UGT2A2: variants seen among roughly 807,000 people sequenced by gnomAD.
UGT2A2 encodes UDP-glucuronosyltransferase 2A2.
A neutral mutation model predicts 50.7 loss-of-function variants in UGT2A2; 60 were observed. That is an observed-to-expected ratio of 1.18 (90% CI 0.96 to 1.47). The LOEUF is 1.47. Among genes scored for constraint, UGT2A2 ranks in the 40% most tolerant of loss-of-function variants. The pLI, the probability that UGT2A2 is intolerant of heterozygous loss-of-function variation, is 0.00. For missense variants in UGT2A2, 762 were observed against 634.0 expected, an observed-to-expected ratio of 1.20 and a Z score of -2.17; for synonymous variants, 242 against 214.6, an observed-to-expected ratio of 1.13 and a Z score of -1.11.
chr4:69,625,306 G>T (rs537274012), intron 1 of UGT2A2, among the ~76,000 whole-genome samples: 93 of 150,532 alleles, frequency 6.2e-4, no homozygotes, highest in Non-Finnish European at 1.1e-3. Flanking sequence ...TGAACTTCTT[G>T]GATCTATTTG....
chr4:69,594,328 G>A, intron 5 of UGT2A2, 149 bp downstream of exon 5: 1 of 1,099,790 alleles, frequency 9.1e-7, no homozygotes, highest in Non-Finnish European at 1.3e-6. Flanking sequence ...AATCACTTTA[G>A]CAGTTTGGCA....
chr4:69,594,430 A>G, intron 5 of UGT2A2, 47 bp downstream of exon 5: 2 of 1,598,262 alleles, frequency 1.3e-6, no homozygotes, highest in Non-Finnish European at 1.7e-6. Context: ...GGTATTATGA[A>G]TAATGTAATT....
chr4:69,596,976 C>G (rs1481332147), intron 2 of UGT2A2, among the ~76,000 whole-genome samples: 1 of 152,164 alleles, frequency 6.6e-6, no homozygotes, highest in Non-Finnish European at 1.5e-5. Flanking sequence ...TTGTTACCCC[C>G]AAGGCTTAAT....
chr4:69,639,531 G>T lies in UGT2A2; in HGVS notation c.110C>A (p.Thr37Lys). 1 of 1,613,172 alleles carries T rather than the reference G, an allele frequency of 6.2e-7. No homozygotes were observed. Among genetic ancestry groups the T allele is most frequent in the Non-Finnish European group, 8.5e-7 (1 of 1,179,522 alleles). ...VLSGNVLIWP[T>K]DGSHWLNIKI... ...AATATTTAACCAATGGCTACCATCTGTAGGCCAAATTAACACATTCCCACT... is the reference window on the plus strand; with the variant it reads ...AATATTTAACCAATGGCTACCATCTTTAGGCCAAATTAACACATTCCCACT... Residue 37 changes from threonine (T) to lysine (K), a missense_variant, in exon 1 of 6, where the codon ACA (threonine) becomes AAA (lysine). Physicochemically the swap from Thr to Lys is moderately conservative, Grantham distance 78. Transcript: ENST00000604629.
At chr4:69,614,920 G>A (rs1181808051) in intron 1 of UGT2A2, among the ~76,000 whole-genome samples, 2 of 152,168 alleles carry the variant, frequency 1.3e-5, no homozygotes, top group Admixed American at 6.6e-5. Flanking sequence ...ACTTACAATT[G>A]TGGTGGAAGG....
Position 69,589,151 on chromosome 4 carries a change from G to C in UGT2A2, c.*221C>G. Reference sequence around the variant, plus strand: ...AGGAAGAGGGTATAGTCAGCAGGGAGAGACAAAGGAAAAATAGAAGACTAT... The same window carrying C: ...AGGAAGAGGGTATAGTCAGCAGGGACAGACAAAGGAAAAATAGAAGACTAT... On this transcript the variant is annotated 3_prime_UTR_variant, in exon 6 of 6. Coordinates refer to ENST00000604629, the MANE Select transcript of UGT2A2 (RefSeq NM_001105677.2). 1 of 464,744 alleles carries C rather than the reference G, an allele frequency of 2.2e-6. No individual in the cohort carries two copies. The highest frequency in any genetic ancestry group is 3.4e-6 in the Non-Finnish European group (1 of 290,202). The allele number at this position is 464,744 out of a possible 1,614,324, so 28.8% of individuals were successfully genotyped here.
chr4:69,614,323 G>C (rs947455870), intron 1 of UGT2A2, among the ~76,000 whole-genome samples: 1 of 151,890 alleles, frequency 6.6e-6, no homozygotes, highest in Admixed American at 6.6e-5. Context: ...GATTGAACAG[G>C]ACAGAAAAAA....
chr4:69,590,453 G>A (rs572969603), intron 5 of UGT2A2, among the ~76,000 whole-genome samples: 1 of 152,214 alleles, frequency 6.6e-6, no homozygotes, highest in South Asian at 2.1e-4. Context: ...GTTTCATTTT[G>A]GTTTGTGTCT....
At chr4:69,605,612 T>TA (rs1445425827) in intron 1 of UGT2A2, among the ~76,000 whole-genome samples, 6 of 135,780 alleles carry the variant, frequency 4.4e-5, no homozygotes, top group East Asian at 2.1e-4. Flanking sequence ...AAAAACCCTT[T>TA]AAAAAATCAA....
chr4:69,617,899 C>T (rs1019786206), intron 1 of UGT2A2, among the ~76,000 whole-genome samples: 6 of 151,588 alleles, frequency 4.0e-5, no homozygotes, highest in Admixed American at 2.0e-4. Context: ...GAAACAAAAC[C>T]GACACAGTAA....
intron 1 of UGT2A2, among the ~76,000 whole-genome samples, chr4:69,637,323 C>T (rs1721766509): frequency 1.3e-5 from 2 of 151,820 alleles, no homozygotes; most frequent in South Asian, 4.2e-4. Context: ...TAGACAAATT[C>T]TAAGAAAAAG....
intron 1 of UGT2A2, among the ~76,000 whole-genome samples, chr4:69,627,128 GAC>G (rs746936943): frequency 6.6e-6 from 1 of 151,718 alleles, no homozygotes; most frequent in Non-Finnish European, 1.5e-5. Flanking sequence ...TGCACATACT[GAC>G]ACACACATAA....
intron 1 of UGT2A2, among the ~76,000 whole-genome samples, chr4:69,624,776 A>G (rs965565712): frequency 1.3e-5 from 2 of 151,428 alleles, no homozygotes; most frequent in Non-Finnish European, 3.0e-5. Context: ...ACTTCACAAT[A>G]CAATAAATAT....
rs1329214069 is a variant in UGT2A2 at position 69,639,048 on chromosome 4, G to A, written c.593C>T (p.Pro198Leu). The part of the protein sequence containing the change: ...VERHCGKIPA[P>L]VSYVPAALSE... ...TAAGGCTGCCGGTACATAGGAGACT[G>A]GTGCTGGGATTTTCCCACAGTGTCT... The change falls in exon 1 of 6, where the codon CCA (proline) becomes CTA (leucine). Residue 198 changes from proline (P) to leucine (L), a missense_variant. By Grantham distance (98) the Pro-to-Leu change is moderately conservative. Coordinates refer to ENST00000604629, the MANE Select transcript of UGT2A2 (RefSeq NM_001105677.2). 3 of 1,613,250 alleles carry A rather than the reference G, an allele frequency of 1.9e-6. No individual in the cohort carries two copies. Among genetic ancestry groups the A allele is most frequent in the Admixed American group, 1.7e-5 (1 of 59,894 alleles).
At position 69,596,244 on chromosome 4, in the gene UGT2A2, A is replaced by G; in HGVS notation, c.1023+6T>C. 6.4e-7 allele frequency: 1 copy of G among 1,568,474 alleles called. No individual in the cohort carries two copies. Among genetic ancestry groups the G allele is most frequent in the South Asian group, 1.2e-5 (1 of 83,072 alleles). Reference sequence around the variant, plus strand: ...GCTGTGTACCAGGATTCCAGGCTGTACTGACCTTCTGTGGAATCTGGGCAA... The same window carrying G: ...GCTGTGTACCAGGATTCCAGGCTGTGCTGACCTTCTGTGGAATCTGGGCAA... On this transcript the variant is annotated splice_donor_region_variant and intron_variant, in intron 3 of 5. Coordinates refer to ENST00000604629, the MANE Select transcript of UGT2A2 (RefSeq NM_001105677.2).
At position 69,639,107 on chromosome 4, in the gene UGT2A2, G is replaced by A. The variant is rs990682058; in HGVS notation, c.534C>T (p.Tyr178=). The part of the protein sequence containing the change: ...VALKLGIPFM[Y]TLRFSPASTV... The stretch of plus-strand genomic sequence containing the variant: ...TTGATGCTGGAGAGAACCTCAATGT[G>A]TACATAAATGGAATTCCTAATTTCA... The change falls in exon 1 of 6, where the codon TAC becomes TAT. Residue 178 remains tyrosine, a synonymous_variant. Coordinates refer to ENST00000604629, the MANE Select transcript of UGT2A2 (RefSeq NM_001105677.2). 3.1e-6 allele frequency: 5 copies of A among 1,613,360 alleles called. No homozygotes were observed. In the African/African-American group the frequency reaches 4.0e-5, roughly 13 times the overall value.
chr4:69,608,546 C>A, intron 1 of UGT2A2, among the ~76,000 whole-genome samples: 1 of 150,182 alleles, frequency 6.7e-6, no homozygotes, highest in East Asian at 1.9e-4. Flanking sequence ...TACATGTACC[C>A]TAAAACTTAA....
intron 1 of UGT2A2, among the ~76,000 whole-genome samples, chr4:69,609,131 T>A (rs1282659506): frequency 6.7e-6 from 1 of 150,144 alleles, no homozygotes; most frequent in African/African-American, 2.5e-5. Flanking sequence ...TAAAACTGGC[T>A]CAGGCTCATC....
intron 5 of UGT2A2, among the ~76,000 whole-genome samples, chr4:69,592,841 A>G (rs1718667484): frequency 6.6e-6 from 1 of 152,124 alleles, no homozygotes. Context: ...GAAAAACTGG[A>G]TAATTTTTTA....
Sources: gnomAD v4.1 joint callset for allele counts (sites outside exome capture counted in the v4.1 genomes callset) on GRCh38, gnomAD v4.1.1 for gene constraint, MANE v1.5 for transcripts, NCBI Gene and HGNC (gene_info 2026-07-23, HGNC 2026-07-21) for gene names.